MND1: variants seen among roughly 807,000 people sequenced by gnomAD.
MND1 encodes the protein meiotic nuclear divisions 1.
MND1 carries 28 observed loss-of-function variants against 35.1 expected under a neutral mutation model. The observed-to-expected ratio is 0.80, with a 90% CI of 0.59 to 1.09. The LOEUF is 1.09. MND1 is among the 50% of genes least tolerant of loss of function. The pLI is 0.00. For synonymous variants in MND1, 69 were observed against 70.5 expected, an observed-to-expected ratio of 0.98 and a Z score of 0.11; for missense variants, 213 against 239.6, an observed-to-expected ratio of 0.89 and a Z score of 0.73.
chr4:153,391,100 ATG>A (rs1236042748), intron 4 of MND1, among the ~76,000 whole-genome samples: 1 of 152,066 alleles, frequency 6.6e-6, no homozygotes, highest in African/African-American at 2.4e-5. Flanking sequence ...CTAAATTTAA[ATG>A]TTATGTATAT....
chr4:153,412,809 C>T (rs75014333), intron 7 of MND1, among the ~76,000 whole-genome samples: 240 of 127,218 alleles, frequency 1.9e-3, no homozygotes, highest in African/African-American at 6.6e-3. Context: ...TCTTTTTTTT[C>T]TTTTTTTTTT....
chr4:153,350,139 T>C lies in MND1; in HGVS notation c.69+10T>C. The C allele has an allele frequency of 6.3e-7, 1 of 1,583,856 alleles. No individual in the cohort carries two copies. ...AATATTTTCTGAAACAGTAAGTCAT[T>C]TTCTTTAACACTTATAATTTTGTGT... On this transcript the variant is annotated intron_variant, in intron 2 of 7. Coordinates refer to ENST00000240488, the MANE Select transcript of MND1 (RefSeq NM_032117.4).
chr4:153,361,180 C>T (rs148592019), intron 4 of MND1, among the ~76,000 whole-genome samples: 58 of 152,274 alleles, frequency 3.8e-4, no homozygotes, highest in African/African-American at 1.3e-3. Flanking sequence ...AGAAGGAATC[C>T]GTACTGAAGG....
chr4:153,374,121 C>T (rs540935794), intron 4 of MND1, among the ~76,000 whole-genome samples: 5 of 152,188 alleles, frequency 3.3e-5, no homozygotes, highest in East Asian at 1.9e-4. Flanking sequence ...TACTTCAAGG[C>T]GGTTGTAGTG....
intron 6 of MND1, 29 bp from the exon 7 acceptor site, chr4:153,408,942 T>C (rs2149659948): frequency 1.2e-6 from 1 of 827,034 alleles, no homozygotes; most frequent in East Asian, 4.6e-5. Flanking sequence ...ATAAATACAT[T>C]TCATTTTATA....
chr4:153,374,907 C>A (rs143352614), intron 4 of MND1, among the ~76,000 whole-genome samples: 3 of 152,180 alleles, frequency 2.0e-5, no homozygotes, highest in Non-Finnish European at 2.9e-5. Flanking sequence ...TTCTGTGTGG[C>A]TGCTCCGTGC....
In MND1 at chr4:153,390,915, G is replaced by GTA. The variant is rs1410224394; in HGVS notation, c.277-3343_277-3342dup. Among the ~76,000 whole-genome samples the GTA allele has an allele frequency of 9.5e-3, 1,212 of 127,872 alleles. 12 individuals are homozygous for GTA. The highest frequency in any genetic ancestry group is 0.016 in the African/African-American group (459 of 29,038). The allele number at this position is 127,872 out of a possible 152,430, so 83.9% of individuals were successfully genotyped here. A position where few individuals can be genotyped will look rare whatever the true frequency, so the allele number is the denominator to read the frequency against. On this transcript the variant is annotated intron_variant, in intron 4 of 7. Transcript: ENST00000240488. ...TGTGTGTGTGTGTGTGTGTGTGTGT[G>GTA]TATATGTGTGTGTGTGTGTGTGTGT...
intron 6 of MND1, among the ~76,000 whole-genome samples, chr4:153,403,511 C>G (rs959700134): frequency 1.3e-5 from 2 of 152,146 alleles, no homozygotes; most frequent in African/African-American, 2.4e-5. Context: ...CTTAAGAACA[C>G]GGACTTTACA....
chr4:153,385,016 A>G (rs1038095978), intron 4 of MND1, among the ~76,000 whole-genome samples: 11 of 152,246 alleles, frequency 7.2e-5, no homozygotes, highest in African/African-American at 2.4e-4. Context: ...AATATTCAAC[A>G]AACATCCAGT....
intron 4 of MND1, among the ~76,000 whole-genome samples, chr4:153,379,895 A>C: frequency 6.9e-6 from 1 of 145,852 alleles, no homozygotes; most frequent in South Asian, 2.2e-4. Flanking sequence ...TGTGGCGCAC[A>C]CCTGTAGTCC....
chr4:153,349,386 A>G (rs1561052665), intron 1 of MND1, among the ~76,000 whole-genome samples: 1 of 152,230 alleles, frequency 6.6e-6, no homozygotes, highest in South Asian at 2.1e-4. Flanking sequence ...TCTTGTCACT[A>G]GTCTGCTTTA....
At chr4:153,360,376 A>T (rs1235007894) in intron 4 of MND1, among the ~76,000 whole-genome samples, 1 of 152,068 alleles carries the variant, frequency 6.6e-6, no homozygotes, top group Non-Finnish European at 1.5e-5. Flanking sequence ...TGGTGTTGTA[A>T]CTAAATAGTC....
rs191887982 is a variant in MND1 at position 153,412,258 on chromosome 4, A to G, written c.512-2493A>G. Among the ~76,000 whole-genome samples, 144 of 152,350 alleles carry G rather than the reference A, an allele frequency of 9.5e-4. 1 individual carries two copies. Among genetic ancestry groups the G allele is most frequent in the African/African-American group, 3.0e-3 (125 of 41,582 alleles). On this transcript the variant is annotated intron_variant, in intron 7 of 7. Coordinates refer to ENST00000240488, the MANE Select transcript of MND1 (RefSeq NM_032117.4). ...ATTTGATACTTGGAAATAAACTTCC[A>G]TAGAAAAAATATTTTAAAAAGTGAT...
intron 4 of MND1, among the ~76,000 whole-genome samples, chr4:153,362,031 A>G (rs1440726012): frequency 6.6e-6 from 1 of 151,852 alleles, no homozygotes; most frequent in Non-Finnish European, 1.5e-5. Context: ...GCTCTCTTTC[A>G]CTTACAGTTC....
At chr4:153,357,029 G>A (rs1443477423) in intron 3 of MND1, among the ~76,000 whole-genome samples, 2 of 152,082 alleles carry the variant, frequency 1.3e-5, no homozygotes, top group African/African-American at 4.8e-5. Flanking sequence ...TGCCATGTTG[G>A]CCAGGCTGTT....
intron 4 of MND1, among the ~76,000 whole-genome samples, chr4:153,376,132 A>G (rs1455896790): frequency 7.2e-5 from 11 of 152,318 alleles, no homozygotes; most frequent in Admixed American, 6.5e-4. Context: ...CTTCCAACTG[A>G]AATGACATTT....
At chr4:153,351,434 C>T (rs1435185706) in intron 2 of MND1, among the ~76,000 whole-genome samples, 1 of 151,898 alleles carries the variant, frequency 6.6e-6, no homozygotes, top group African/African-American at 2.4e-5. Context: ...TTCATTATAG[C>T]CTAATCAGTT....
In MND1 at chr4:153,397,421, T is replaced by G. The variant is rs1276514416; in HGVS notation, c.466+88T>G. On this transcript the variant is annotated intron_variant, in intron 6 of 7. Transcript: ENST00000240488. Reference sequence around the variant, plus strand: ...AGTTGCCTGCTAACTATTCTCCATGTATATGAGAAAATAAAACTAGTTAAG... The same window carrying G: ...AGTTGCCTGCTAACTATTCTCCATGGATATGAGAAAATAAAACTAGTTAAG... 3 of 874,328 alleles carry G rather than the reference T, an allele frequency of 3.4e-6. No individual in the cohort carries two copies. The East Asian group carries it at 8.0e-5, about 23-fold the overall frequency. The allele number at this position is 874,328 out of a possible 1,614,324, so 54.2% of individuals were successfully genotyped here.
At chr4:153,394,028 G>A (rs940212969) in intron 4 of MND1, among the ~76,000 whole-genome samples, 1 of 145,126 alleles carries the variant, frequency 6.9e-6, no homozygotes, top group Non-Finnish European at 1.5e-5. Context: ...CTCTCGAGTA[G>A]CGGGGACTAC....
Sources: allele counts gnomAD v4.1 joint callset (sites outside exome capture counted in the v4.1 genomes callset), GRCh38; gene constraint gnomAD v4.1.1; transcripts MANE v1.5; gene names NCBI Gene and HGNC (gene_info 2026-07-23, HGNC 2026-07-21).